SNTB2: variants seen among roughly 807,000 people sequenced by gnomAD.
The protein encoded by SNTB2 is beta-2-syntrophin.
Under a neutral mutation model 46.2 loss-of-function variants are expected in SNTB2, and 34 were observed. That is an observed-to-expected ratio of 0.74 (90% CI 0.56 to 0.98). The LOEUF (loss-of-function observed/expected upper bound fraction) is 0.98, where lower values mean the gene tolerates loss of function less well. Among genes scored for constraint, SNTB2 ranks in the 50% least tolerant of loss-of-function variants. The pLI is 0.00. For missense variants in SNTB2, 603 were observed against 731.4 expected (o/e 0.82, Z 2.02); for synonymous variants, 290 against 312.6 (o/e 0.93, Z 0.76).
intron 4 of SNTB2, 101 bp from the exon 5 acceptor site, chr16:69,283,947 T>C (rs1965074657): frequency 9.2e-7 from 1 of 1,091,234 alleles, no homozygotes; most frequent in Non-Finnish European, 1.3e-6. Context: ...CAAAAACTGC[T>C]GATTGCTTTT....
intron 6 of SNTB2, among the ~76,000 whole-genome samples, chr16:69,300,306 A>C (rs898921372): frequency 6.6e-6 from 1 of 151,486 alleles, no homozygotes; most frequent in Non-Finnish European, 1.5e-5. Context: ...GCTGGAGTGC[A>C]GTGGCACCAT....
intron 3 of SNTB2, among the ~76,000 whole-genome samples, chr16:69,260,921 T>C (rs963213321): frequency 6.6e-6 from 1 of 152,184 alleles, no homozygotes. Flanking sequence ...TGAGTGGATG[T>C]TGAGTTAAAG....
intron 1 of SNTB2, among the ~76,000 whole-genome samples, chr16:69,244,561 G>A (rs117298321): frequency 3.3e-5 from 5 of 152,208 alleles, no homozygotes; most frequent in East Asian, 1.9e-4. Flanking sequence ...ACCATGCCTC[G>A]AGTGACAGTA....
chr16:69,298,456 C>T (rs1965247257), intron 5 of SNTB2, among the ~76,000 whole-genome samples: 1 of 150,312 alleles, frequency 6.7e-6, no homozygotes, highest in Non-Finnish European at 1.5e-5. Context: ...GTTGGTCCTT[C>T]TTGCCCAGTT....
At chr16:69,205,713 C>G (rs754283408) in intron 1 of SNTB2, among the ~76,000 whole-genome samples, 7 of 152,062 alleles carry the variant, frequency 4.6e-5, no homozygotes, top group Non-Finnish European at 8.8e-5. Flanking sequence ...CTGCTTCTTT[C>G]ATATTTCTCA....
chr16:69,215,165 A>C (rs538521943), intron 1 of SNTB2, among the ~76,000 whole-genome samples: 1 of 152,226 alleles, frequency 6.6e-6, no homozygotes, highest in East Asian at 1.9e-4. Context: ...GCCTATTTTA[A>C]CTTTAAGTAA....
intron 1 of SNTB2, among the ~76,000 whole-genome samples, chr16:69,232,208 CT>C (rs34688718): frequency 0.18 from 25,012 of 136,238 alleles, 1,935 homozygotes; most frequent in African/African-American, 0.25. Flanking sequence ...TTTCTTTTTT[CT>C]TTTTTTTTTT....
intron 1 of SNTB2, among the ~76,000 whole-genome samples, chr16:69,201,411 G>C (rs951911025): frequency 6.6e-6 from 1 of 152,164 alleles, no homozygotes; most frequent in African/African-American, 2.4e-5. Context: ...TGATGTTGAT[G>C]TGGTGCTGAA....
intron 2 of SNTB2, among the ~76,000 whole-genome samples, chr16:69,252,489 G>A (rs953988127): frequency 1.2e-4 from 18 of 152,184 alleles, no homozygotes; most frequent in Admixed American, 1.0e-3. Flanking sequence ...ATGTAAATCC[G>A]TGTTCTTTGC....
At chr16:69,273,135 G>A (rs987689496) in intron 4 of SNTB2, among the ~76,000 whole-genome samples, 4 of 152,156 alleles carry the variant, frequency 2.6e-5, no homozygotes, top group African/African-American at 9.7e-5. Context: ...CACTGCTGGT[G>A]AGAATGTGAA....
intron 5 of SNTB2, among the ~76,000 whole-genome samples, chr16:69,294,203 G>C (rs777928825): frequency 6.6e-6 from 1 of 151,884 alleles, no homozygotes; most frequent in Non-Finnish European, 1.5e-5. Flanking sequence ...ATTTTGGTAG[G>C]GATAGAATCT....
intron 1 of SNTB2, among the ~76,000 whole-genome samples, chr16:69,226,527 T>G (rs144284435): frequency 6.6e-6 from 1 of 152,250 alleles, no homozygotes; most frequent in African/African-American, 2.4e-5. Flanking sequence ...AGATAAGACT[T>G]CATTTATCTT....
chr16:69,196,388 T>A (rs1055209673), intron 1 of SNTB2, among the ~76,000 whole-genome samples: 8 of 151,424 alleles, frequency 5.3e-5, no homozygotes, highest in Non-Finnish European at 7.4e-5. Flanking sequence ...TTTTTTTTTT[T>A]TTTTGAGATG....
rs558606998 is a variant in SNTB2, at chr16:69,216,266, A to G, written c.580+28520A>G. 7.9e-5 allele frequency among the ~76,000 whole-genome samples: 12 copies of G among 152,346 alleles called. No homozygotes were observed. The South Asian group carries it at 1.9e-3, about 24-fold the overall frequency. On this transcript the variant is annotated intron_variant, in intron 1 of 6. Coordinates refer to ENST00000336278, the MANE Select transcript of SNTB2 (RefSeq NM_006750.4). Reference sequence around the variant, plus strand: ...AATGTCAAGTTCTGCTGAATTAGGTAATAATGGTAATACCTGAAATTTGTA... The same window carrying G: ...AATGTCAAGTTCTGCTGAATTAGGTGATAATGGTAATACCTGAAATTTGTA...
intron 1 of SNTB2, among the ~76,000 whole-genome samples, chr16:69,238,154 G>C (rs895686530): frequency 1.2e-4 from 18 of 152,136 alleles, no homozygotes; most frequent in African/African-American, 4.3e-4. Context: ...GGCCAATGTA[G>C]AGCCCCAATA....
Position 69,275,177 on chromosome 16 carries a change from A to G in SNTB2, c.1148+4892A>G, listed in dbSNP as rs139650000. ...AACCTCAAACTCCTGGGCTCAAGCC[A>G]TCCTCCCACCTCAGCTTCTCGAGTA... is the stretch of plus-strand genomic sequence containing the variant. On this transcript the variant is annotated intron_variant, in intron 4 of 6. Transcript: ENST00000336278. 3.6e-3 allele frequency among the ~76,000 whole-genome samples: 545 copies of G among 151,840 alleles called. 3 individuals carry two copies. The highest frequency in any genetic ancestry group is 0.012 in the African/African-American group (512 of 41,368).
intron 3 of SNTB2, among the ~76,000 whole-genome samples, chr16:69,261,000 T>A (rs536251654): frequency 6.6e-6 from 1 of 152,108 alleles, no homozygotes; most frequent in South Asian, 2.1e-4. Flanking sequence ...AAGTTCCGTG[T>A]GACATTATGT....
At chr16:69,250,850 T>C (rs1056293786) in intron 2 of SNTB2, among the ~76,000 whole-genome samples, 1 of 151,930 alleles carries the variant, frequency 6.6e-6, no homozygotes, top group Non-Finnish European at 1.5e-5. Flanking sequence ...CACTCCAGCC[T>C]GGACACACCA....
intron 1 of SNTB2, among the ~76,000 whole-genome samples, chr16:69,208,693 T>C (rs192094118): frequency 6.6e-6 from 1 of 151,896 alleles, no homozygotes; most frequent in Non-Finnish European, 1.5e-5. Context: ...CTTGCTTATT[T>C]TACTAGGTAA....
Sources: allele counts gnomAD v4.1 joint callset (sites outside exome capture counted in the v4.1 genomes callset), GRCh38; gene constraint gnomAD v4.1.1; transcripts MANE v1.5; gene names NCBI Gene and HGNC (gene_info 2026-07-23, HGNC 2026-07-21).